RP1L1: variants seen among roughly 807,000 people sequenced by gnomAD.
RP1L1 encodes the protein RP1 like 1, also known as retinitis pigmentosa 1-like 1 protein.
A neutral mutation model predicts 15.7 loss-of-function variants in RP1L1; 27 were observed. That is an observed-to-expected ratio of 1.72 (90% CI 1.27 to 2.38). The LOEUF (loss-of-function observed/expected upper bound fraction) is 2.38, where lower values mean the gene tolerates loss of function less well. Ranked by LOEUF, RP1L1 falls within the 30% of genes most tolerant of loss-of-function variation. RP1L1 has a pLI of 0.00. For synonymous variants in RP1L1, 1,813 were observed against 1,276.7 expected, an observed-to-expected ratio of 1.42 and a Z score of -8.96; for missense variants, 4,798 against 3,075.9, an observed-to-expected ratio of 1.56 and a Z score of -13.24.
chr8:10,619,170 C>T (rs371520832), intron 2 of RP1L1, among the ~76,000 whole-genome samples: 87 of 152,320 alleles, frequency 5.7e-4, no homozygotes, highest in Middle Eastern at 3.4e-3. Context: ...ATGACTGGCC[C>T]AGTACTGCAG....
At chr8:10,648,902 G>A (rs933477776) in intron 1 of RP1L1, among the ~76,000 whole-genome samples, 1 of 152,184 alleles carries the variant, frequency 6.6e-6, no homozygotes. Context: ...TCATCCTCAC[G>A]GCTTTCCCAT....
chr8:10,654,556 C>T (rs1798610243), intron 1 of RP1L1, among the ~76,000 whole-genome samples: 1 of 152,102 alleles, frequency 6.6e-6, no homozygotes, highest in Admixed American at 6.5e-5. Flanking sequence ...AAGAAATCCT[C>T]AGGAGGGATT....
chr8:10,639,146 A>C (rs961759267), intron 1 of RP1L1, among the ~76,000 whole-genome samples: 5 of 151,986 alleles, frequency 3.3e-5, no homozygotes, highest in Non-Finnish European at 4.4e-5. Flanking sequence ...TGTCTCAAAA[A>C]AAAAAAAGAA....
At chr8:10,648,050 T>A (rs1190036479) in intron 1 of RP1L1, among the ~76,000 whole-genome samples, 1 of 151,948 alleles carries the variant, frequency 6.6e-6, no homozygotes, top group Non-Finnish European at 1.5e-5. Flanking sequence ...TTTTTTTTTT[T>A]AGACAGAGTC....
Position 10,610,460 on chromosome 8 carries a change from C to G in RP1L1, c.3638G>C (p.Ser1213Thr). Residue 1213 changes from serine (S) to threonine (T), a missense_variant, in exon 4 of 4, where the codon AGT (serine) becomes ACT (threonine). Coordinates refer to ENST00000382483, the MANE Select transcript of RP1L1 (RefSeq NM_178857.6). ...ISSGSGGSGESSVPCAMDGTL... is the reference protein window; with the variant it reads ...ISSGSGGSGETSVPCAMDGTL... ...GCCGTCCATGGCACAGGGTACGCTA[C>G]TCTCCCCTGAGCCTCCAGAGCCGCT... is the stretch of plus-strand genomic sequence containing the variant. The G allele has an allele frequency of 1.2e-6, 2 of 1,613,788 alleles. No homozygotes were observed. The highest frequency in any genetic ancestry group is 8.5e-7 in the Non-Finnish European group (1 of 1,180,008).
Position 10,608,016 on chromosome 8 carries a change from T to A in RP1L1, c.6082A>T (p.Lys2028Ter). The part of the protein sequence containing the change: ...PESDGVEAQP[K>*]SEGEEAQEVE... The stretch of plus-strand genomic sequence containing the variant: ...TCCTGGGCCTCTTCACCTTCTGACT[T>A]TGGCTGGGCCTCTACACCGTCTGAC... Residue 2028 changes from lysine (K) to a stop codon, truncating the protein, a stop_gained, in exon 4 of 4, where the codon AAG becomes TAG. Transcript: ENST00000382483. LOFTEE classifies it low-confidence loss of function (END_TRUNC). 6.6e-7 allele frequency: 1 copy of A among 1,522,798 alleles called. No individual in the cohort carries two copies. The highest frequency in any genetic ancestry group is 8.8e-7 in the Non-Finnish European group (1 of 1,130,220). 94.3% of individuals were successfully genotyped at this position (1,522,798 alleles called of 1,614,324 possible).
Position 10,610,180 on chromosome 8 carries a change from A to G in RP1L1, c.3918T>C (p.Thr1306=). The change falls in exon 4 of 4, where the codon ACT becomes ACC. Residue 1306 remains threonine (T), a synonymous_variant. Transcript: ENST00000382483. ...TVQEEVQLEE[T]KEGTEGEGLQ... is the part of the protein sequence containing the mutation. The stretch of plus-strand genomic sequence containing the variant: ...GCCCTTCTCCTTCTGTTCCTTCTTT[A>G]GTTTCCTCTAATTGCACCTCTTCTT... 8.8e-7 allele frequency: 1 copy of G among 1,140,414 alleles called. No homozygotes were observed. Among genetic ancestry groups the G allele is most frequent in the Non-Finnish European group, 1.2e-6 (1 of 852,668 alleles). The allele number at this position is 1,140,414 out of a possible 1,614,324, so 70.6% of individuals were successfully genotyped here. A position where few individuals can be genotyped will look rare whatever the true frequency, so the allele number is the denominator to read the frequency against.
intron 3 of RP1L1, among the ~76,000 whole-genome samples, chr8:10,616,033 T>C (rs1797958675): frequency 6.6e-6 from 1 of 152,164 alleles, no homozygotes. Context: ...GCCTCCCAAG[T>C]AGCTGAAACT....
chr8:10,616,385 C>T (rs1206134707), intron 3 of RP1L1, 61 bp downstream of exon 3: 1 of 1,608,272 alleles, frequency 6.2e-7, no homozygotes, highest in Non-Finnish European at 8.5e-7. Flanking sequence ...GCTTTCCACT[C>T]AGCCCTACTG....
intron 1 of RP1L1, among the ~76,000 whole-genome samples, chr8:10,638,819 G>A (rs905452031): frequency 6.6e-6 from 1 of 152,098 alleles, no homozygotes; most frequent in African/African-American, 2.4e-5. Context: ...TGGGCAGTGG[G>A]ACCCACGTTC....
At chr8:10,631,170 G>A (rs536980296) in intron 1 of RP1L1, among the ~76,000 whole-genome samples, 179 of 152,172 alleles carry the variant, frequency 1.2e-3, no homozygotes, top group African/African-American at 4.0e-3. Context: ...CGGCCCAGGC[G>A]AGAATGTTGT....
At chr8:10,615,968 G>C (rs749249034) in intron 3 of RP1L1, among the ~76,000 whole-genome samples, 1 of 151,974 alleles carries the variant, frequency 6.6e-6, no homozygotes, top group African/African-American at 2.4e-5. Context: ...GAAGTGGTGC[G>C]ATCACGGCTC....
chr8:10,646,422 GT>G (rs1204907185), intron 1 of RP1L1, among the ~76,000 whole-genome samples: 1 of 152,150 alleles, frequency 6.6e-6, no homozygotes, highest in Non-Finnish European at 1.5e-5. Flanking sequence ...TTTAGGAGCC[GT>G]TTAGGCATCC....
chr8:10,606,797 G>C lies in RP1L1; in HGVS notation c.*98C>G. 7 of 1,583,852 alleles carry C rather than the reference G, an allele frequency of 4.4e-6. No homozygotes were observed. Among genetic ancestry groups the C allele is most frequent in the Non-Finnish European group, 6.0e-6 (7 of 1,170,934 alleles). ...CCTTGGTCTTTGTCCATGTACTATGGACATCTCCAGTGGACTGAACGTTGC... is the reference window on the plus strand; with the variant it reads ...CCTTGGTCTTTGTCCATGTACTATGCACATCTCCAGTGGACTGAACGTTGC... On this transcript the variant is annotated 3_prime_UTR_variant, in exon 4 of 4. Coordinates refer to ENST00000382483, the MANE Select transcript of RP1L1 (RefSeq NM_178857.6).
At chr8:10,623,361 G>T in intron 1 of RP1L1, 141 bp from the exon 2 acceptor site, 1 of 686,958 alleles carries the variant, frequency 1.5e-6, no homozygotes, top group Non-Finnish European at 2.4e-6. Context: ...GAATCTATTT[G>T]GATGGAACAG....
intron 1 of RP1L1, among the ~76,000 whole-genome samples, chr8:10,648,174 G>C (rs951802416): frequency 6.6e-6 from 1 of 152,026 alleles, no homozygotes; most frequent in African/African-American, 2.4e-5. Context: ...TGGGACTATA[G>C]GCATGTGCCA....
Position 10,616,426 on chromosome 8 carries a change from A to T in RP1L1, c.751+20T>A. The T allele has an allele frequency of 6.2e-7, 1 of 1,614,186 alleles. No homozygotes were observed. Among genetic ancestry groups the T allele is most frequent in the Non-Finnish European group, 8.5e-7 (1 of 1,180,028 alleles). On this transcript the variant is annotated intron_variant, in intron 3 of 3. Coordinates refer to ENST00000382483, the MANE Select transcript of RP1L1 (RefSeq NM_178857.6). The stretch of plus-strand genomic sequence containing the variant: ...CCATGCAGTGCAAATCAGATGGGGG[A>T]AACCCAAAAACCAACTCACCGTTTT...
chr8:10,614,390 T>G (rs113964381), intron 3 of RP1L1, among the ~76,000 whole-genome samples: 4 of 152,212 alleles, frequency 2.6e-5, no homozygotes, highest in African/African-American at 7.2e-5. Context: ...CCAGGCGTGA[T>G]AGCTCACGCC....
Position 10,622,638 on chromosome 8 carries a change from G to T in RP1L1, c.564C>A (p.Leu188=). The T allele has an allele frequency of 6.2e-7, 1 of 1,614,210 alleles. No individual in the cohort carries two copies. The highest frequency in any genetic ancestry group is 8.5e-7 in the Non-Finnish European group (1 of 1,180,024). The change falls in exon 2 of 4, where the codon CTC becomes CTA. Residue 188 remains leucine, a synonymous_variant. Coordinates refer to ENST00000382483, the MANE Select transcript of RP1L1 (RefSeq NM_178857.6). ...LAAFLGKASD[L]LRFPVKQLYT... The stretch of plus-strand genomic sequence containing the variant: ...ACAACTGCTTCACAGGAAAGCGCAG[G>T]AGATCTGAGGCTTTGCCGAGAAAGG...
Sources: allele counts gnomAD v4.1 joint callset (sites outside exome capture counted in the v4.1 genomes callset), GRCh38; gene constraint gnomAD v4.1.1; transcripts MANE v1.5; gene names NCBI Gene and HGNC (gene_info 2026-07-23, HGNC 2026-07-21).